Variants in EPB41L5 observed in about 807,000 individuals in gnomAD.
EPB41L5 encodes band 4.1-like protein 5.
Under a neutral mutation model 106.6 loss-of-function variants are expected in EPB41L5, and 55 were observed. The ratio of observed to expected loss-of-function variants is 0.52; its 90% CI spans 0.42 to 0.65. EPB41L5 has a LOEUF of 0.65. Among genes scored for constraint, EPB41L5 ranks in the 30% least tolerant of loss-of-function variants. The pLI is 0.00. For synonymous variants in EPB41L5, 297 were observed against 306.7 expected (o/e 0.97, Z 0.33); for missense variants, 871 against 882.1 (o/e 0.99, Z 0.16).
intron 16 of EPB41L5, chr2:120,106,932 G>A (rs1684488645): frequency 1.1e-6 from 1 of 945,116 alleles, no homozygotes; most frequent in Non-Finnish European, 1.3e-6. Flanking sequence ...TGTATAATAT[G>A]TCTGTTTTGA....
chr2:120,124,881 T>G (rs1030930063), intron 16 of EPB41L5, among the ~76,000 whole-genome samples: 3 of 152,188 alleles, frequency 2.0e-5, no homozygotes, highest in African/African-American at 7.2e-5. Flanking sequence ...GTGATGAGAT[T>G]GAGGTTAAAC....
Position 120,150,955 on chromosome 2 carries a change from A to G in EPB41L5, c.1793+4666A>G, listed in dbSNP as rs557090288. ...AACCATTGTGAAATTCAAGATCATA[A>G]TGATTAACAGTTGCATAGCTTTGGC... On this transcript the variant is annotated intron_variant, in intron 20 of 24. Coordinates refer to ENST00000263713, the MANE Select transcript of EPB41L5 (RefSeq NM_020909.4). Among the ~76,000 whole-genome samples the G allele has an allele frequency of 4.5e-4, 68 of 152,340 alleles. No individual in the cohort carries two copies. The Middle Eastern group carries it at 0.017, about 38-fold the overall frequency.
chr2:120,150,644 C>G lies in EPB41L5; in HGVS notation c.1793+4355C>G, dbSNP rs550316111. On this transcript the variant is annotated intron_variant, in intron 20 of 24. Coordinates refer to ENST00000263713, the MANE Select transcript of EPB41L5 (RefSeq NM_020909.4). ...GGTGTGACCTACTGTGCCTGCCCAC[C>G]CCATTTATTTTTATTTCTTTTTTTT... is the stretch of plus-strand genomic sequence containing the variant. Among the ~76,000 whole-genome samples, 58 of 152,096 alleles carry G rather than the reference C, an allele frequency of 3.8e-4. No individual in the cohort carries two copies. In the East Asian group the frequency reaches 0.01, roughly 27 times the overall value.
chr2:120,100,607 G>T, intron 15 of EPB41L5, 92 bp from the exon 16 acceptor site: 1 of 882,726 alleles, frequency 1.1e-6, no homozygotes. Flanking sequence ...TTTAATTGTT[G>T]GCTTTGTAAA....
chr2:120,152,741 T>C (rs1037508809), intron 20 of EPB41L5, among the ~76,000 whole-genome samples: 1 of 152,242 alleles, frequency 6.6e-6, no homozygotes, highest in African/African-American at 2.4e-5. Context: ...GGCTTTTCTT[T>C]GTTGGAAAGT....
chr2:120,100,676 A>G (rs1462427157), intron 15 of EPB41L5, 23 bp from the exon 16 acceptor site: 1 of 1,570,044 alleles, frequency 6.4e-7, no homozygotes, highest in South Asian at 1.1e-5. Context: ...AAAATAGATA[A>G]TTTTTATAAT....
chr2:120,118,810 T>G (rs575794078), intron 16 of EPB41L5, among the ~76,000 whole-genome samples: 1 of 152,228 alleles, frequency 6.6e-6, no homozygotes, highest in Non-Finnish European at 1.5e-5. Context: ...TATGCATGCA[T>G]GTATTTCTAC....
chr2:120,088,937 T>C (rs908260905), intron 11 of EPB41L5, among the ~76,000 whole-genome samples: 2 of 152,194 alleles, frequency 1.3e-5, no homozygotes, highest in East Asian at 1.9e-4. Context: ...CTTTTAGTCA[T>C]TGAAAAAATT....
chr2:120,100,250 CAAT>C lies in EPB41L5; in HGVS notation c.1189_1191del (p.Asn397del), dbSNP rs1337499711. 3.7e-6 allele frequency: 6 copies of C among 1,612,780 alleles called. No homozygotes were observed. In the African/African-American group the frequency reaches 6.7e-5, roughly 18 times the overall value. On this transcript the variant is annotated inframe_deletion, in exon 15 of 25. Coordinates refer to ENST00000263713, the MANE Select transcript of EPB41L5 (RefSeq NM_020909.4). ...TTTTTTTTTCCCATTACAGTGTTCA[CAAT>C]AATGTTTCGACCCAAAGTAATGGCT...
intron 18 of EPB41L5, among the ~76,000 whole-genome samples, chr2:120,137,733 C>T (rs573145095): frequency 6.6e-6 from 1 of 152,134 alleles, no homozygotes; most frequent in Non-Finnish European, 1.5e-5. Context: ...CAAAGAAAAG[C>T]CCAGGACCTG....
At chr2:120,104,311 A>G in intron 16 of EPB41L5, 2 of 1,479,616 alleles carry the variant, frequency 1.4e-6, no homozygotes, top group South Asian at 2.8e-5. Context: ...GGTGTTTATA[A>G]AGGATTAATC....
At chr2:120,174,601 T>G (rs79646689) in intron 24 of EPB41L5, among the ~76,000 whole-genome samples, 18,730 of 152,276 alleles carry the variant, frequency 0.12, 1,538 homozygotes, top group Middle Eastern at 0.23. Flanking sequence ...TTAACATATT[T>G]GCTAAGAAGG....
chr2:120,120,786 C>CTGT (rs1685182602), intron 16 of EPB41L5, among the ~76,000 whole-genome samples: 2 of 152,126 alleles, frequency 1.3e-5, no homozygotes, highest in South Asian at 4.1e-4. Flanking sequence ...GGGAAAGAGA[C>CTGT]TGTTCCAGCT....
intron 16 of EPB41L5, chr2:120,105,536 G>A: frequency 3.0e-6 from 3 of 985,092 alleles, no homozygotes; most frequent in Non-Finnish European, 3.6e-6. Flanking sequence ...GTCCATAGAA[G>A]ACCTAAATAA....
intron 2 of EPB41L5, among the ~76,000 whole-genome samples, chr2:120,027,782 C>A (rs757376814): frequency 1.3e-5 from 2 of 152,180 alleles, no homozygotes; most frequent in Admixed American, 6.5e-5. Context: ...TGTGAATATA[C>A]TAAAATCCAT....
At chr2:120,110,162 A>G (rs1165225231) in intron 16 of EPB41L5, among the ~76,000 whole-genome samples, 2 of 152,230 alleles carry the variant, frequency 1.3e-5, no homozygotes, top group Admixed American at 6.5e-5. Flanking sequence ...CCCACAGTCC[A>G]TCTTTTAGTC....
chr2:120,098,156 T>TTGTGTGCGTGTGTGTG (rs1683883017), intron 14 of EPB41L5, among the ~76,000 whole-genome samples: 4 of 133,670 alleles, frequency 3.0e-5, no homozygotes, highest in Non-Finnish European at 6.2e-5. Context: ...ATTGTTTGTT[T>TTGTGTGCGTGTGTGTG]TGTGTGTGTG....
At chr2:120,035,156 A>T (rs567678727) in intron 2 of EPB41L5, among the ~76,000 whole-genome samples, 22 of 152,158 alleles carry the variant, frequency 1.4e-4, no homozygotes, top group African/African-American at 5.3e-4. Flanking sequence ...AATGGGCCCC[A>T]TGTAAACACC....
At chr2:120,052,447 A>G (rs556285106) in intron 3 of EPB41L5, among the ~76,000 whole-genome samples, 12 of 152,294 alleles carry the variant, frequency 7.9e-5, no homozygotes, top group East Asian at 3.9e-4. Context: ...CCTCACCACT[A>G]TGAAGTTATT....
Sources: allele counts gnomAD v4.1 joint callset (sites outside exome capture counted in the v4.1 genomes callset), GRCh38; gene constraint gnomAD v4.1.1; transcripts MANE v1.5; gene names NCBI Gene and HGNC (gene_info 2026-07-23, HGNC 2026-07-21).